The following HARS2 variants were observed in gnomAD, a reference collection of about 807,000 sequenced individuals.
The protein encoded by HARS2 is histidyl-tRNA synthetase 2, mitochondrial.
Under a neutral mutation model 62.4 loss-of-function variants are expected in HARS2, and 40 were observed. That is an observed-to-expected ratio of 0.64 (90% confidence interval 0.50 to 0.83). HARS2 has a LOEUF of 0.83. HARS2 is among the 40% of genes least tolerant of loss of function. The probability of loss-of-function intolerance (pLI) is 0.00; values close to 1 mark genes in which losing one functional copy is unlikely to be tolerated. For synonymous variants in HARS2, 228 were observed against 227.0 expected, an observed-to-expected ratio of 1.00 and a Z score of -0.04; for missense variants, 569 against 626.4, an observed-to-expected ratio of 0.91 and a Z score of 0.98.
intron 1 of HARS2, 76 bp from the exon 2 acceptor site, chr5:140,693,515 G>A: frequency 6.2e-7 from 1 of 1,612,190 alleles, no homozygotes; most frequent in South Asian, 1.1e-5. Context: ...GCAGGTTGGT[G>A]GTCAACAGGG....
At chr5:140,692,663 G>C (rs547823190) in intron 1 of HARS2, among the ~76,000 whole-genome samples, 6 of 152,008 alleles carry the variant, frequency 3.9e-5, no homozygotes, top group Non-Finnish European at 8.8e-5. Context: ...GAGGCCAAGG[G>C]GGGTGGATCA....
rs765604214 is a variant in HARS2 at position 140,691,724 on chromosome 5, T to G, written c.76T>G (p.Ser26Ala). The G allele has an allele frequency of 1.7e-5, 26 of 1,552,544 alleles. No homozygotes were observed. Among genetic ancestry groups the G allele is most frequent in the Non-Finnish European group, 2.2e-5 (25 of 1,147,696 alleles). Residue 26 changes from serine to alanine, a missense_variant, in exon 1 of 13, where the codon TCG becomes GCG. Coordinates refer to ENST00000230771, the MANE Select transcript of HARS2 (RefSeq NM_012208.4). ...CCAGCTCCTGCGACCGCCCTGCGCT[T>G]CGTGCACCGGGGCGGTCCGTTGCCA... is the stretch of plus-strand genomic sequence containing the variant. ...LSQLLRPPCA[S>A]CTGAVRCQSQ...
chr5:140,692,992 G>T (rs1277594789), intron 1 of HARS2, among the ~76,000 whole-genome samples: 2 of 151,980 alleles, frequency 1.3e-5, no homozygotes, highest in Non-Finnish European at 2.9e-5. Context: ...GGTAGTGGTG[G>T]GTTGTTCAGT....
chr5:140,692,855 G>A (rs1430187998), intron 1 of HARS2, among the ~76,000 whole-genome samples: 1 of 151,308 alleles, frequency 6.6e-6, no homozygotes, highest in African/African-American at 2.4e-5. Flanking sequence ...TCGTGCCACT[G>A]CACTCCAGCC....
At position 140,693,894 on chromosome 5, in the gene HARS2, T is replaced by G. The variant is rs12513490; in HGVS notation, c.184-41T>G. ...AACTCCTTGTCTGAAATGGACTTAT[T>G]TTTTGTTTTTGTTTTCACTATGGCT... On this transcript the variant is annotated intron_variant, in intron 2 of 12. Transcript: ENST00000230771. 10,149 of 1,612,446 alleles carry G rather than the reference T, an allele frequency of 6.3e-3. 44 individuals are homozygous for G. Among genetic ancestry groups the G allele is most frequent in the Admixed American group, 8.8e-3 (527 of 60,014 alleles).
At chr5:140,693,880 T>C in intron 2 of HARS2, 55 bp from the exon 3 acceptor site, 2 of 1,607,524 alleles carry the variant, frequency 1.2e-6, no homozygotes, top group Non-Finnish European at 1.7e-6. Context: ...ACTCCTTGTC[T>C]GAAATGGACT....
Position 140,699,065 on chromosome 5 carries a change from C to T in HARS2, c.*513C>T, listed in dbSNP as rs1406483825. 9.3e-6 allele frequency: 2 copies of T among 215,900 alleles called. No homozygotes were observed. The highest frequency in any genetic ancestry group is 2.3e-5 in the African/African-American group (1 of 43,826). The allele number at this position is 215,900 out of a possible 1,614,324, so 13.4% of individuals were successfully genotyped here. On this transcript the variant is annotated 3_prime_UTR_variant, in exon 13 of 13. Coordinates refer to ENST00000230771, the MANE Select transcript of HARS2 (RefSeq NM_012208.4). ...GACAGATGCTATCCTAAGGGCATGG[C>T]AGTACCCATGTTGATTTGACATCTC...
chr5:140,696,766 T>C, intron 8 of HARS2, 152 bp downstream of exon 8: 1 of 949,264 alleles, frequency 1.1e-6, no homozygotes, highest in Non-Finnish European at 1.7e-6. Flanking sequence ...GTAACGACTT[T>C]GTGTCTTCAG....
At chr5:140,694,795 A>C (rs991684226) in intron 4 of HARS2, among the ~76,000 whole-genome samples, 9 of 152,116 alleles carry the variant, frequency 5.9e-5, no homozygotes, top group Admixed American at 5.9e-4. Context: ...TGACGTAAAA[A>C]GTTAGCTGGC....
intron 12 of HARS2, among the ~76,000 whole-genome samples, chr5:140,698,292 A>G (rs1759839794): frequency 6.6e-6 from 1 of 152,226 alleles, no homozygotes; most frequent in South Asian, 2.1e-4. Context: ...TTTTGAGACT[A>G]ATCAACATAA....
intron 12 of HARS2, 132 bp downstream of exon 12, chr5:140,698,210 C>T (rs1759835757): frequency 5.4e-6 from 5 of 929,720 alleles, no homozygotes; most frequent in South Asian, 4.6e-5. Context: ...AACACTCACT[C>T]AAGATGACCA....
intron 3 of HARS2, 57 bp from the exon 4 acceptor site, chr5:140,694,128 C>T (rs1759657003): frequency 2.5e-6 from 4 of 1,606,104 alleles, no homozygotes; most frequent in Non-Finnish European, 2.6e-6. Flanking sequence ...AAGGGCTTCT[C>T]ATCTGTGTTT....
rs769393711 is a variant in HARS2 at position 140,694,036 on chromosome 5, C to A, written c.285C>A (p.Thr95=). ...GTCATGGAGCAAAGGGGATGGACAC[C>A]CCAGCATTTGAGCTGAAGGTAAGGG... ...FKRHGAKGMD[T]PAFELKETLT... Residue 95 remains threonine (T), a synonymous_variant, in exon 3 of 13, where the codon ACC becomes ACA. Coordinates refer to ENST00000230771, the MANE Select transcript of HARS2 (RefSeq NM_012208.4). 2.5e-6 allele frequency: 4 copies of A among 1,613,998 alleles called. No individual in the cohort carries two copies. In the East Asian group the frequency reaches 8.9e-5, roughly 36 times the overall value.
At chr5:140,692,517 T>G (rs998716651) in intron 1 of HARS2, among the ~76,000 whole-genome samples, 1 of 152,258 alleles carries the variant, frequency 6.6e-6, no homozygotes, top group Non-Finnish European at 1.5e-5. Context: ...GCTTGTTCTG[T>G]GTCCTTGAGC....
intron 7 of HARS2, 104 bp downstream of exon 7, chr5:140,696,305 A>G (rs1759739536): frequency 4.3e-6 from 4 of 927,942 alleles, no homozygotes; most frequent in African/African-American, 1.6e-5. Context: ...GAAGTGGGCT[A>G]TTTTGGGGTG....
chr5:140,693,578 A>C lies in HARS2; in HGVS notation c.109-13A>C. On this transcript the variant is annotated splice_polypyrimidine_tract_variant and intron_variant, in intron 1 of 12. Transcript: ENST00000230771. Reference sequence around the variant, plus strand: ...TCCAGAGAAGCCACATCTCACATTCATTCTTCTGCCAGGTTGCAGAGGCAG... The same window carrying C: ...TCCAGAGAAGCCACATCTCACATTCCTTCTTCTGCCAGGTTGCAGAGGCAG... 1.2e-6 allele frequency: 2 copies of C among 1,614,084 alleles called. No individual in the cohort carries two copies. Among genetic ancestry groups the C allele is most frequent in the East Asian group, 2.2e-5 (1 of 44,876 alleles).
At position 140,691,655 on chromosome 5, in the gene HARS2, C is replaced by G. The variant is rs186043734; in HGVS notation, c.7C>G (p.Leu3Val). The change falls in exon 1 of 13, where the codon CTG becomes GTG. Residue 3 changes from leucine to valine, a missense_variant. Coordinates refer to ENST00000230771, the MANE Select transcript of HARS2 (RefSeq NM_012208.4). ...GCCGGCGTCCTGCCGCGCGATGCCC[C>G]TGCTCGGACTTCTTCCCAGGAGGGC... The part of the protein sequence containing the change: MP[L>V]LGLLPRRAWA... 3,427 of 1,549,654 alleles carry G rather than the reference C, an allele frequency of 2.2e-3. 14 individuals carry two copies. The highest frequency in any genetic ancestry group is 0.01 in the Middle Eastern group (60 of 5,976).
rs532249265 is a variant in HARS2, at chr5:140,695,422, G to A, written c.400-86G>A. The stretch of plus-strand genomic sequence containing the variant: ...TCCTTGTTCTTACCCTAGTGGATGA[G>A]ATCCAGGCCCAGTCCTCCCTAATGT... On this transcript the variant is annotated intron_variant, in intron 4 of 12. Coordinates refer to ENST00000230771, the MANE Select transcript of HARS2 (RefSeq NM_012208.4). 3.3e-6 allele frequency: 5 copies of A among 1,499,158 alleles called. No homozygotes were observed. In the African/African-American group the frequency reaches 7.4e-5, roughly 22 times the overall value. 92.9% of individuals were successfully genotyped at this position (1,499,158 alleles called of 1,614,324 possible).
rs1356262464 is a variant in HARS2 at position 140,696,615 on chromosome 5, G to A, written c.826+1G>A. 1.9e-6 allele frequency: 3 copies of A among 1,599,624 alleles called. No individual in the cohort carries two copies. The highest frequency in any genetic ancestry group is 2.7e-5 in the African/African-American group (2 of 74,686). On this transcript the variant is annotated splice_donor_variant, in intron 8 of 12. Transcript: ENST00000230771. LOFTEE classifies it high-confidence loss of function. ...ATTGGGGACTATGTCCAGTGTCATGGTAAGAACCAGGGTTTTCAGAGCTGT... is the reference window on the plus strand; with the variant it reads ...ATTGGGGACTATGTCCAGTGTCATGATAAGAACCAGGGTTTTCAGAGCTGT...
Sources: allele counts gnomAD v4.1 joint callset (sites outside exome capture counted in the v4.1 genomes callset), GRCh38; gene constraint gnomAD v4.1.1; transcripts MANE v1.5; gene names NCBI Gene and HGNC (gene_info 2026-07-23, HGNC 2026-07-21).